Variants in TMEM161B observed in about 807,000 individuals in gnomAD.
TMEM161B encodes the protein transmembrane protein 161B.
In TMEM161B, 34 loss-of-function variants were observed where a neutral mutation model predicts 61.8. The ratio of observed to expected loss-of-function variants is 0.55; its 90% confidence interval spans 0.42 to 0.73. TMEM161B has a LOEUF of 0.73. TMEM161B is among the 30% of genes least tolerant of loss of function. The pLI is 0.00. For missense variants in TMEM161B, 456 were observed against 558.5 expected (o/e 0.82, Z 1.85); for synonymous variants, 167 against 192.8 (o/e 0.87, Z 1.11).
intron 1 of TMEM161B, among the ~76,000 whole-genome samples, chr5:88,256,022 C>T (rs1001428170): frequency 2.6e-5 from 4 of 152,082 alleles, no homozygotes; most frequent in African/African-American, 9.7e-5. Context: ...AATAAAAAGA[C>T]ATTTTCCGCA....
chr5:88,216,092 TATAAAAA>T (rs1561342633), intron 5 of TMEM161B, among the ~76,000 whole-genome samples: 2 of 152,060 alleles, frequency 1.3e-5, no homozygotes, highest in Non-Finnish European at 2.9e-5. Flanking sequence ...ACCCCATCTC[TATAAAAA>T]TTAAAAATTA....
intron 1 of TMEM161B, among the ~76,000 whole-genome samples, chr5:88,245,916 T>C (rs1753545145): frequency 6.6e-6 from 1 of 151,962 alleles, no homozygotes; most frequent in Non-Finnish European, 1.5e-5. Flanking sequence ...ATTATGAAAC[T>C]TTAAATTACA....
chr5:88,235,950 C>T (rs147557332), intron 2 of TMEM161B, among the ~76,000 whole-genome samples: 8 of 152,172 alleles, frequency 5.3e-5, no homozygotes, highest in South Asian at 2.1e-4. Context: ...AAAGCTAAGG[C>T]GAGGAGAGCA....
Position 88,264,758 on chromosome 5 carries a change from T to TA in TMEM161B, c.3+3962dup, listed in dbSNP as rs559463024. Among the ~76,000 whole-genome samples, 93 of 152,044 alleles carry TA rather than the reference T, an allele frequency of 6.1e-4. 1 individual carries two copies. The highest frequency in any genetic ancestry group is 1.9e-4 in the Non-Finnish European group (13 of 68,012). On this transcript the variant is annotated intron_variant, in intron 1 of 11. Coordinates refer to ENST00000296595, the MANE Select transcript of TMEM161B (RefSeq NM_153354.5). ...TACACCATGGAATACTATGCAGCCA[T>TA]AAAAAAGAATGAGTTCATGTCCTTT...
chr5:88,188,980 C>G (rs1748540163), downstream of TMEM161B, among the ~76,000 whole-genome samples: 1 of 152,142 alleles, frequency 6.6e-6, no homozygotes, highest in Non-Finnish European at 1.5e-5. Context: ...CCTCATTCCC[C>G]CCTTTGAGAA....
At chr5:88,239,805 T>C (rs1752432717) in intron 2 of TMEM161B, among the ~76,000 whole-genome samples, 1 of 152,038 alleles carries the variant, frequency 6.6e-6, no homozygotes, top group African/African-American at 2.4e-5. Context: ...GCTTTGTAAA[T>C]GGGATGACCC....
At chr5:88,261,212 T>G (rs1216135324) in intron 1 of TMEM161B, among the ~76,000 whole-genome samples, 2 of 152,084 alleles carry the variant, frequency 1.3e-5, no homozygotes, top group Non-Finnish European at 2.9e-5. Context: ...ATAAATCTAA[T>G]AAAATATGCC....
chr5:88,218,124 A>C (rs1168616582), intron 5 of TMEM161B, among the ~76,000 whole-genome samples: 3 of 152,144 alleles, frequency 2.0e-5, no homozygotes, highest in Non-Finnish European at 2.9e-5. Context: ...AAATAATATA[A>C]AAATATAAAC....
At chr5:88,226,929 C>G (rs1750148468) in intron 3 of TMEM161B, among the ~76,000 whole-genome samples, 1 of 152,064 alleles carries the variant, frequency 6.6e-6, no homozygotes, top group Non-Finnish European at 1.5e-5. Flanking sequence ...AGAGACCAGC[C>G]TGGGTAACAC....
chr5:88,225,743 G>T (rs755122521), intron 4 of TMEM161B, 26 bp downstream of exon 4: 163 of 1,438,838 alleles, frequency 1.1e-4, no homozygotes, highest in Middle Eastern at 2.2e-4. Flanking sequence ...GAGATTTATA[G>T]AACATTTTAT....
exon 13 of TMEM161B, chr5:88,189,977 T>C (rs1748617651): frequency 1.5e-6 from 1 of 680,752 alleles, no homozygotes; most frequent in African/African-American, 1.8e-5. Flanking sequence ...CCGTCTTCTG[T>C]ACCAAGTCAG....
chr5:88,239,044 C>T (rs1752313983), intron 2 of TMEM161B, among the ~76,000 whole-genome samples: 1 of 151,980 alleles, frequency 6.6e-6, no homozygotes, highest in Admixed American at 6.6e-5. Flanking sequence ...AAACCAATTT[C>T]GTGTTTCTTT....
In TMEM161B at chr5:88,203,014, T is replaced by C. The variant is rs773504082; in HGVS notation, c.862A>G (p.Ile288Val). The C allele has an allele frequency of 1.9e-5, 30 of 1,612,110 alleles. No homozygotes were observed. The highest frequency in any genetic ancestry group is 2.7e-5 in the African/African-American group (2 of 74,884). The change falls in exon 9 of 12, where the codon ATC (isoleucine) becomes GTC (valine). Residue 288 changes from isoleucine (I) to valine (V), a missense_variant. Transcript: ENST00000296595. ...GGGTTCATAATGTAGTCTTTGGTGA[T>C]TGGTTTTACCCAGAGCAGAACCATA... ...LFMVLLWVKP[I>V]TKDYIMNPPL...
At chr5:88,260,702 C>T (rs1755577147) in intron 1 of TMEM161B, among the ~76,000 whole-genome samples, 1 of 152,186 alleles carries the variant, frequency 6.6e-6, no homozygotes, top group Non-Finnish European at 1.5e-5. Context: ...ACCCTCCTGC[C>T]TTAGCCTTCC....
chr5:88,204,723 G>GA (rs528627165), intron 8 of TMEM161B, among the ~76,000 whole-genome samples: 116 of 151,818 alleles, frequency 7.6e-4, no homozygotes, highest in South Asian at 1.9e-3. Flanking sequence ...AGAAAGACGG[G>GA]ATGCAGCCAA....
In TMEM161B at chr5:88,203,005, C is replaced by A. The variant is rs772294661; in HGVS notation, c.871G>T (p.Asp291Tyr). Residue 291 changes from aspartate (D) to tyrosine (Y), a missense_variant, in exon 9 of 12, where the codon GAC becomes TAC. This residue lies in a region of TMEM161B where 367 missense variants were observed against 427.3 expected (regional missense o/e 0.86). Coordinates refer to ENST00000296595, the MANE Select transcript of TMEM161B (RefSeq NM_153354.5). ...CCCAGTGGTGGGTTCATAATGTAGTCTTTGGTGATTGGTTTTACCCAGAGC... is the reference window on the plus strand; with the variant it reads ...CCCAGTGGTGGGTTCATAATGTAGTATTTGGTGATTGGTTTTACCCAGAGC... ...VLLWVKPITK[D>Y]YIMNPPLGKE... 1.9e-6 allele frequency: 3 copies of A among 1,611,896 alleles called. No individual in the cohort carries two copies. Among genetic ancestry groups the A allele is most frequent in the Non-Finnish European group, 2.5e-6 (3 of 1,178,440 alleles).
intron 1 of TMEM161B, among the ~76,000 whole-genome samples, chr5:88,259,030 C>G (rs555901824): frequency 6.6e-6 from 1 of 152,284 alleles, no homozygotes; most frequent in Non-Finnish European, 1.5e-5. Flanking sequence ...TGGAGCAGAA[C>G]AGCTTGTTGA....
At chr5:88,228,818 A>C (rs909160609) in intron 2 of TMEM161B, among the ~76,000 whole-genome samples, 9 of 152,176 alleles carry the variant, frequency 5.9e-5, no homozygotes. Context: ...ATACAGGCTT[A>C]TTATTAAAAG....
In TMEM161B at chr5:88,207,198, C is replaced by T; in HGVS notation, c.447-18G>A. The T allele has an allele frequency of 6.3e-7, 1 of 1,593,104 alleles. No individual in the cohort carries two copies. ...GAACTTTGCTGCAGAAGGAAAAGTT[C>T]AGGAAAAACCACAATAAATTTATAG... On this transcript the variant is annotated intron_variant, in intron 5 of 11. Transcript: ENST00000296595.
Sources: gnomAD v4.1 joint callset for allele counts (sites outside exome capture counted in the v4.1 genomes callset) on GRCh38, gnomAD v4.1.1 for gene constraint, gnomAD v4.1.1 regional missense constraint, MANE v1.5 for transcripts, NCBI Gene and HGNC (gene_info 2026-07-23, HGNC 2026-07-21) for gene names.